The following CSGALNACT1 variants were observed in gnomAD, a reference collection of about 807,000 sequenced individuals.
CSGALNACT1 encodes the protein beta4GalNAcT-1.
In CSGALNACT1, 52 loss-of-function variants were observed where a neutral mutation model predicts 51.0. The observed-to-expected ratio is 1.02, with a 90% CI of 0.82 to 1.29. The LOEUF (loss-of-function observed/expected upper bound fraction) is 1.29. Ranked by LOEUF, CSGALNACT1 falls within the 50% of genes most tolerant of loss-of-function variation. The probability of loss-of-function intolerance (pLI) is 0.00; values close to 1 mark genes in which losing one functional copy is unlikely to be tolerated. For missense variants in CSGALNACT1, 935 were observed against 679.2 expected, an observed-to-expected ratio of 1.38 and a Z score of -4.19; for synonymous variants, 341 against 254.4, an observed-to-expected ratio of 1.34 and a Z score of -3.24.
chr8:19,684,972 A>T (rs2060890790), upstream of CSGALNACT1, among the ~76,000 whole-genome samples: 1 of 152,346 alleles, frequency 6.6e-6, no homozygotes, highest in African/African-American at 2.4e-5. Context: ...TTTCTACTGT[A>T]ACAGCACTCA....
chr8:19,649,335 G>A (rs972282172), intron 1 of CSGALNACT1, among the ~76,000 whole-genome samples: 5 of 152,080 alleles, frequency 3.3e-5, no homozygotes, highest in Admixed American at 6.5e-5. Flanking sequence ...GGAAGGGACT[G>A]CTTGGCTAAA....
intron 3 of CSGALNACT1, among the ~76,000 whole-genome samples, chr8:19,540,229 C>T (rs1362040887): frequency 6.6e-6 from 1 of 152,206 alleles, no homozygotes; most frequent in Non-Finnish European, 1.5e-5. Flanking sequence ...ACCAGAACAT[C>T]ATGTCCTATC....
At chr8:19,431,804 T>A (rs552162334) in intron 6 of CSGALNACT1, among the ~76,000 whole-genome samples, 30 of 113,130 alleles carry the variant, frequency 2.7e-4, no homozygotes, top group Non-Finnish European at 5.1e-4. Context: ...CTGTGGAAAG[T>A]TCTTTTTTCT....
intron 2 of CSGALNACT1, among the ~76,000 whole-genome samples, chr8:19,592,413 G>A (rs2048015382): frequency 6.6e-6 from 1 of 152,164 alleles, no homozygotes; most frequent in Non-Finnish European, 1.5e-5. Flanking sequence ...ATTTATTTAT[G>A]TACGTATATA....
At chr8:19,460,957 C>G (rs2065226896) in intron 4 of CSGALNACT1, among the ~76,000 whole-genome samples, 1 of 152,148 alleles carries the variant, frequency 6.6e-6, no homozygotes, top group South Asian at 2.1e-4. Flanking sequence ...TGTCTCCCTG[C>G]TGTCCTCACA....
At chr8:19,539,092 A>G (rs1014043626) in intron 3 of CSGALNACT1, among the ~76,000 whole-genome samples, 1 of 152,202 alleles carries the variant, frequency 6.6e-6, no homozygotes, top group African/African-American at 2.4e-5. Context: ...TATATTTAAC[A>G]TGTACAGCTT....
intron 2 of CSGALNACT1, among the ~76,000 whole-genome samples, chr8:19,596,156 C>T (rs1000952182): frequency 2.0e-5 from 3 of 152,112 alleles, no homozygotes; most frequent in Non-Finnish European, 4.4e-5. Flanking sequence ...GTGTGAGCCA[C>T]CGTGCCCAGC....
intron 3 of CSGALNACT1, among the ~76,000 whole-genome samples, chr8:19,514,349 C>G (rs986629747): frequency 1.3e-5 from 2 of 151,522 alleles, no homozygotes; most frequent in Non-Finnish European, 2.9e-5. Context: ...TGGACAGCTG[C>G]CTTGGTGGCC....
chr8:19,445,288 T>C (rs988672182), intron 5 of CSGALNACT1, among the ~76,000 whole-genome samples: 5 of 152,088 alleles, frequency 3.3e-5, no homozygotes, highest in African/African-American at 1.2e-4. Flanking sequence ...GCCAGAAAAA[T>C]TGCTTGAAAT....
At position 19,667,007 on chromosome 8, in the gene CSGALNACT1, GA is replaced by G. The variant is rs1312237922; in HGVS notation, c.-544+15465del. ...AGAAAGAAAGAAAGAAAGAAAGAAA[GA>G]AAGAAAGAAAGGAAGGAAGGAAGGA... On this transcript the variant is annotated intron_variant, in intron 1 of 9. Transcript: ENST00000332246. Among the ~76,000 whole-genome samples the G allele has an allele frequency of 1.5e-3, 49 of 31,680 alleles. 4 individuals carry two copies. The highest frequency in any genetic ancestry group is 9.7e-3 in the East Asian group (14 of 1,450). 20.8% of individuals were successfully genotyped at this position (31,680 alleles called of 152,430 possible).
At chr8:19,493,406 G>C (rs2074798126) in intron 4 of CSGALNACT1, among the ~76,000 whole-genome samples, 2 of 152,114 alleles carry the variant, frequency 1.3e-5, no homozygotes, top group South Asian at 4.1e-4. Flanking sequence ...TACCAGGTTT[G>C]TGCAACCATC....
intron 4 of CSGALNACT1, among the ~76,000 whole-genome samples, chr8:19,468,177 G>T (rs1563566901): frequency 1.3e-5 from 2 of 151,818 alleles, no homozygotes; most frequent in African/African-American, 4.8e-5. Flanking sequence ...GATAGCAGAT[G>T]TTTTTTTACC....
intron 1 of CSGALNACT1, among the ~76,000 whole-genome samples, chr8:19,680,745 C>T (rs1490649844): frequency 6.6e-6 from 1 of 152,078 alleles, no homozygotes; most frequent in Non-Finnish European, 1.5e-5. Context: ...GCAATTTCAT[C>T]AGCACGTGAA....
chr8:19,405,486 C>CAG, exon 10 of CSGALNACT1: 1 of 568,978 alleles, frequency 1.8e-6, no homozygotes, highest in Non-Finnish European at 3.3e-6. Flanking sequence ...CAACAGGTCT[C>CAG]AGTGTGTTGT....
At chr8:19,446,237 G>A (rs528404929) in intron 5 of CSGALNACT1, among the ~76,000 whole-genome samples, 15 of 152,244 alleles carry the variant, frequency 9.9e-5, no homozygotes, top group African/African-American at 2.4e-4. Flanking sequence ...TATTCGTTAC[G>A]TATTCAAACT....
intron 1 of CSGALNACT1, among the ~76,000 whole-genome samples, chr8:19,740,584 T>C (rs1425209064): frequency 2.0e-5 from 3 of 152,254 alleles, no homozygotes; most frequent in African/African-American, 4.8e-5. Context: ...CTGGGGTCTT[T>C]CTTGCAACTT....
At chr8:19,426,252 T>G (rs1351556920) in intron 6 of CSGALNACT1, among the ~76,000 whole-genome samples, 2 of 151,996 alleles carry the variant, frequency 1.3e-5, no homozygotes, top group African/African-American at 4.8e-5. Context: ...CTCAGCCCAC[T>G]CAGATGGGCA....
chr8:19,482,474 C>T (rs1336727630), intron 4 of CSGALNACT1, among the ~76,000 whole-genome samples: 1 of 152,118 alleles, frequency 6.6e-6, no homozygotes, highest in African/African-American at 2.4e-5. Flanking sequence ...ATGACTTCTT[C>T]TGCTACATCC....
chr8:19,481,960 CT>C (rs1318844432), intron 4 of CSGALNACT1, among the ~76,000 whole-genome samples: 2 of 151,916 alleles, frequency 1.3e-5, no homozygotes, highest in Non-Finnish European at 2.9e-5. Context: ...GTGCAGGGGG[CT>C]TTTTTTTCCA....
Sources: gnomAD v4.1 joint callset for allele counts (sites outside exome capture counted in the v4.1 genomes callset) on GRCh38, gnomAD v4.1.1 for gene constraint, MANE v1.5 for transcripts, NCBI Gene and HGNC (gene_info 2026-07-23, HGNC 2026-07-21) for gene names.